The following ADAMTSL2 variants were observed in gnomAD, a reference collection of about 807,000 sequenced individuals.
ADAMTSL2 encodes ADAMTS like 2, also known as ADAMTS-like protein 2.
A neutral mutation model predicts 117.0 loss-of-function variants in ADAMTSL2; 55 were observed. That is an observed-to-expected ratio of 0.47 (90% CI 0.38 to 0.59). The LOEUF (loss-of-function observed/expected upper bound fraction) is 0.59, where lower values mean the gene tolerates loss of function less well. Ranked by LOEUF, ADAMTSL2 falls within the 20% of genes least tolerant of loss-of-function variation. The pLI is 0.00. For missense variants in ADAMTSL2, 1,182 were observed against 1,354.5 expected (o/e 0.87, Z 2.00); for synonymous variants, 572 against 566.4 (o/e 1.01, Z -0.14).
Position 133,555,587 on chromosome 9 carries a change from G to C in ADAMTSL2, c.1306G>C (p.Gly436Arg), listed in dbSNP as rs1025058788. Residue 436 changes from glycine (G) to arginine (R), a missense_variant, in exon 11 of 19, where the codon GGG becomes CGG. Around this residue, in one of 3 missense-constraint regions of ADAMTSL2, gnomAD observed 345 missense variants for 325.8 expected, o/e 1.06. Coordinates refer to ENST00000651351, the MANE Select transcript of ADAMTSL2 (RefSeq NM_014694.4). ...CAACGTCACGGGGACTCCTCTCACC[G>C]GGGACAAGGATGACGAAGAGGTTGA... ...DRNVTGTPLT[G>R]DKDDEEVDTH... 3 of 1,613,032 alleles carry C rather than the reference G, an allele frequency of 1.9e-6. No individual in the cohort carries two copies. Among genetic ancestry groups the C allele is most frequent in the Admixed American group, 1.7e-5 (1 of 60,010 alleles).
Position 133,569,468 on chromosome 9 carries a change from G to A in ADAMTSL2, c.2305G>A (p.Gly769Arg), listed in dbSNP as rs867664209. 48 of 1,613,490 alleles carry A rather than the reference G, an allele frequency of 3.0e-5. No homozygotes were observed. Among genetic ancestry groups the A allele is most frequent in the South Asian group, 4.4e-5 (4 of 91,050 alleles). ...GCACGTGTACTGCAAGACCAGCGAC[G>A]GACGGGTAGTACCTGAGTCCCAGTG... ...IRHVYCKTSD[G>R]RVVPESQCQM... The change falls in exon 16 of 19, where the codon GGA (glycine) becomes AGA (arginine). Residue 769 changes from glycine to arginine, a missense_variant. Transcript: ENST00000651351.
In ADAMTSL2 at chr9:133,540,595, C is replaced by T. The variant is rs370314425; in HGVS notation, c.413-3C>T. On this transcript the variant is annotated splice_region_variant and splice_polypyrimidine_tract_variant and intron_variant, in intron 5 of 18. Transcript: ENST00000651351. The stretch of plus-strand genomic sequence containing the variant: ...ACCTTCTGTCTTTGTCTCCCTCCAC[C>T]AGATGACTATGTCCACATCTCCAGC... 7.1e-5 allele frequency: 114 copies of T among 1,613,284 alleles called. No homozygotes were observed. Among genetic ancestry groups the T allele is most frequent in the Non-Finnish European group, 9.6e-5 (113 of 1,179,994 alleles).
intron 9 of ADAMTSL2, among the ~76,000 whole-genome samples, chr9:133,550,143 A>G (rs1436488242): frequency 2.0e-5 from 3 of 152,210 alleles, no homozygotes; most frequent in African/African-American, 7.2e-5. Context: ...AAAATGGCCA[A>G]ACTTGATTTA....
intron 17 of ADAMTSL2, among the ~76,000 whole-genome samples, chr9:133,571,276 C>G (rs1324083903): frequency 6.6e-6 from 1 of 152,196 alleles, no homozygotes; most frequent in Non-Finnish European, 1.5e-5. Context: ...CCCACAGTTA[C>G]TGGGGGCTGT....
intron 12 of ADAMTSL2, among the ~76,000 whole-genome samples, chr9:133,562,269 C>T (rs1214906843): frequency 6.6e-6 from 1 of 152,236 alleles, no homozygotes; most frequent in Non-Finnish European, 1.5e-5. Context: ...TGGGGCGGCC[C>T]TGCAGGCTCT....
chr9:133,554,317 A>G lies in ADAMTSL2; in HGVS notation c.940-40A>G. 6.6e-7 allele frequency: 1 copy of G among 1,508,710 alleles called. No homozygotes were observed. The highest frequency in any genetic ancestry group is 8.9e-7 in the Non-Finnish European group (1 of 1,123,694). The allele number at this position is 1,508,710 out of a possible 1,614,324, so 93.5% of individuals were successfully genotyped here. ...GGGATTGGTGGGGAAGGGGCTGGACAGAGTAAGGAGGGGCTGGGGACCCAC... is the reference window on the plus strand; with the variant it reads ...GGGATTGGTGGGGAAGGGGCTGGACGGAGTAAGGAGGGGCTGGGGACCCAC... On this transcript the variant is annotated intron_variant, in intron 9 of 18. Coordinates refer to ENST00000651351, the MANE Select transcript of ADAMTSL2 (RefSeq NM_014694.4). This position sits in a 1 kb window ranked among gnomAD's most constrained non-coding sequence, Gnocchi z 5.2.
intron 9 of ADAMTSL2, among the ~76,000 whole-genome samples, chr9:133,553,882 T>C (rs1830544531): frequency 5.9e-5 from 9 of 152,170 alleles, no homozygotes; most frequent in Non-Finnish European, 2.9e-5. Flanking sequence ...TTGTCTCGAA[T>C]TGAGGCAGAG....
chr9:133,573,112 GC>G (rs1194618341), intron 17 of ADAMTSL2, among the ~76,000 whole-genome samples: 1 of 152,204 alleles, frequency 6.6e-6, no homozygotes, highest in Admixed American at 6.5e-5. Context: ...GGGTCCCAGG[GC>G]CAGGGCCTCC....
At chr9:133,562,444 C>T (rs113185880) in intron 12 of ADAMTSL2, among the ~76,000 whole-genome samples, 50,411 of 105,680 alleles carry the variant, frequency 0.48, 11,858 homozygotes, top group African/African-American at 0.58. Context: ...GCACCCGGCT[C>T]GGCCAGGCTC....
rs2131141710 is a variant in ADAMTSL2, at chr9:133,555,752, C to G, written c.1471C>G (p.Leu491Val). Residue 491 changes from leucine (L) to valine (V), a missense_variant, in exon 11 of 19, where the codon CTG becomes GTG. Physicochemically the swap from Leu to Val is conservative, Grantham distance 32. This residue lies in a region of ADAMTSL2 where 345 missense variants were observed against 325.8 expected (regional missense o/e 1.06). Transcript: ENST00000651351. The part of the protein sequence containing the change: ...IFAQGAPRSS[L>V]AESFFVDYEE... ...TGCACAGGGCGCCCCAAGGAGCTCC[C>G]TGGCCGAGAGCTTCTTCGTGGATTA... The G allele has an allele frequency of 1.9e-6, 3 of 1,614,018 alleles. 1 individual carries two copies. In the South Asian group the frequency reaches 3.3e-5, roughly 18 times the overall value.
intron 12 of ADAMTSL2, among the ~76,000 whole-genome samples, chr9:133,562,211 T>C (rs964319975): frequency 1.4e-4 from 21 of 152,224 alleles, no homozygotes; most frequent in Non-Finnish European, 2.8e-4. Flanking sequence ...CCGCACCCTC[T>C]GCAGCCCTGC....
rs1048031942 is a variant in ADAMTSL2, at chr9:133,554,757, G to C, written c.1276+64G>C. 8.0e-6 allele frequency: 11 copies of C among 1,379,788 alleles called. No individual in the cohort carries two copies. The highest frequency in any genetic ancestry group is 1.5e-5 in the African/African-American group (1 of 68,444). 85.5% of individuals were successfully genotyped at this position (1,379,788 alleles called of 1,614,324 possible). A position where few individuals can be genotyped will look rare whatever the true frequency, so the allele number is the denominator to read the frequency against. On this transcript the variant is annotated intron_variant, in intron 10 of 18. Transcript: ENST00000651351. This position sits in a 1 kb window ranked among gnomAD's most constrained non-coding sequence, Gnocchi z 5.2. ...AGGCAGCCCAGGGAAGGGGGCCTTG[G>C]GGAAGGGGTCTCAGACCCTTTGCAG...
intron 9 of ADAMTSL2, among the ~76,000 whole-genome samples, chr9:133,550,428 G>A (rs914502931): frequency 5.3e-5 from 8 of 152,186 alleles, no homozygotes; most frequent in East Asian, 1.9e-4. Flanking sequence ...ATTGTGGCAC[G>A]TCCTCTGCTA....
At chr9:133,565,892 C>T (rs1211964859) in intron 12 of ADAMTSL2, among the ~76,000 whole-genome samples, 2 of 151,702 alleles carry the variant, frequency 1.3e-5, no homozygotes, top group African/African-American at 4.9e-5. Flanking sequence ...GCAGAAGCAG[C>T]AAACCCTAAC....
Position 133,568,596 on chromosome 9 carries a change from G to T in ADAMTSL2, c.2089-7G>T, listed in dbSNP as rs1426097159. On this transcript the variant is annotated splice_region_variant and splice_polypyrimidine_tract_variant and intron_variant, in intron 14 of 18. Coordinates refer to ENST00000651351, the MANE Select transcript of ADAMTSL2 (RefSeq NM_014694.4). The stretch of plus-strand genomic sequence containing the variant: ...ACCCCCCCTGCCCCCTCCCCCTGCC[G>T]CCCCAGTGCACTGCCAAGTGTGGGG... 8 of 1,583,070 alleles carry T rather than the reference G, an allele frequency of 5.1e-6. No homozygotes were observed. The highest frequency in any genetic ancestry group is 4.0e-5 in the African/African-American group (3 of 74,494).
intron 13 of ADAMTSL2, 112 bp downstream of exon 13, chr9:133,567,174 GC>G: frequency 7.3e-7 from 1 of 1,372,436 alleles, no homozygotes; most frequent in Non-Finnish European, 9.9e-7. Flanking sequence ...CGTGTGCAGG[GC>G]CGTGGGGGCT....
intron 17 of ADAMTSL2, among the ~76,000 whole-genome samples, chr9:133,571,837 A>G (rs1831113270): frequency 6.6e-6 from 1 of 152,072 alleles, no homozygotes. Flanking sequence ...GTCTCCAGCT[A>G]CCTCTGCCCT....
At chr9:133,536,422 A>T (rs1392043821) in intron 1 of ADAMTSL2, 141 bp from the exon 2 acceptor site, 11 of 1,242,940 alleles carry the variant, frequency 8.8e-6, no homozygotes, top group Non-Finnish European at 1.1e-6. Flanking sequence ...GCTTCCCTGC[A>T]TGCCCTTGGA....
intron 8 of ADAMTSL2, among the ~76,000 whole-genome samples, chr9:133,545,103 G>T (rs1830317357): frequency 6.6e-6 from 1 of 152,158 alleles, no homozygotes; most frequent in African/African-American, 2.4e-5. Context: ...CCCCATCTTG[G>T]TGGCAGATTT....
Sources: gnomAD v4.1 joint callset for allele counts (sites outside exome capture counted in the v4.1 genomes callset) on GRCh38, gnomAD v4.1.1 for gene constraint, gnomAD v4.1.1 regional missense constraint, Gnocchi (gnomAD v3.1) non-coding constraint, MANE v1.5 for transcripts, NCBI Gene and HGNC (gene_info 2026-07-23, HGNC 2026-07-21) for gene names.